The following MRPS14 variants were observed in gnomAD, a reference collection of about 807,000 sequenced individuals.
MRPS14 encodes small ribosomal subunit protein uS14m.
MRPS14 carries 14 observed loss-of-function variants against 16.4 expected under a neutral mutation model. The observed-to-expected ratio is 0.85, with a 90% CI of 0.56 to 1.33. MRPS14 has a LOEUF of 1.33. Ranked by LOEUF, MRPS14 falls within the 40% of genes most tolerant of loss-of-function variation. The probability of loss-of-function intolerance (pLI) is 0.00; values close to 1 mark genes in which losing one functional copy is unlikely to be tolerated. For synonymous variants in MRPS14, 54 were observed against 61.9 expected, an observed-to-expected ratio of 0.87 and a Z score of 0.60; for missense variants, 162 against 176.8, an observed-to-expected ratio of 0.92 and a Z score of 0.48.
intron 2 of MRPS14, among the ~76,000 whole-genome samples, chr1:175,015,438 AATG>A (rs1441746287): frequency 3.3e-5 from 5 of 152,288 alleles, no homozygotes; most frequent in African/African-American, 1.2e-4. Flanking sequence ...AAACCTCTGG[AATG>A]ATGATCAAAT....
chr1:175,016,578 T>C (rs768116307), intron 2 of MRPS14, among the ~76,000 whole-genome samples: 5 of 152,208 alleles, frequency 3.3e-5, no homozygotes, highest in Non-Finnish European at 7.3e-5. Flanking sequence ...TGCACAGTTA[T>C]TGCTGCTAGT....
In MRPS14 at chr1:175,014,738, A is replaced by C. The variant is rs756765596; in HGVS notation, c.318T>G (p.Leu106=). The C allele has an allele frequency of 2.3e-5, 37 of 1,613,964 alleles. No individual in the cohort carries two copies. The highest frequency in any genetic ancestry group is 3.1e-5 in the Non-Finnish European group (36 of 1,180,010). The change falls in exon 3 of 3, where the codon CTT becomes CTG. Residue 106 remains leucine, a synonymous_variant. Transcript: ENST00000476371. ...CTAAGTGACGGAAGACTATACGACTAAGCCTCCAGCGCCGCTTCACACCAC... is the reference window on the plus strand; with the variant it reads ...CTAAGTGACGGAAGACTATACGACTCAGCCTCCAGCGCCGCTTCACACCAC... ...RPRGVKRRWR[L]SRIVFRHLAD... is the part of the protein sequence containing the mutation.
chr1:175,018,352 T>A, intron 2 of MRPS14, 66 bp downstream of exon 2: 1 of 1,419,640 alleles, frequency 7.0e-7, no homozygotes, highest in Non-Finnish European at 9.5e-7. Context: ...ACAAACAGTA[T>A]CAAAAGTGAT....
intron 2 of MRPS14, among the ~76,000 whole-genome samples, chr1:175,018,043 T>C (rs1672915395): frequency 6.6e-6 from 1 of 151,946 alleles, no homozygotes; most frequent in South Asian, 2.1e-4. Flanking sequence ...AGAATTGCTT[T>C]AACCTGGGAG....
chr1:175,018,261 T>C (rs983311362), intron 2 of MRPS14, among the ~76,000 whole-genome samples, 157 bp downstream of exon 2: 1 of 152,184 alleles, frequency 6.6e-6, no homozygotes, highest in Admixed American at 6.5e-5. Flanking sequence ...AATTTGAAAC[T>C]CAACAAAATC....
intron 1 of MRPS14, among the ~76,000 whole-genome samples, chr1:175,019,607 T>C (rs866586530): frequency 3.8e-4 from 58 of 152,176 alleles, no homozygotes; most frequent in African/African-American, 1.4e-3. Flanking sequence ...GGATAGATTA[T>C]TGGGAGCAAA....
intron 2 of MRPS14, among the ~76,000 whole-genome samples, chr1:175,017,068 G>C (rs1429510368): frequency 2.1e-5 from 3 of 140,584 alleles, no homozygotes; most frequent in African/African-American, 7.8e-5. Context: ...TTTTTTTTTT[G>C]TTTTGAGACA....
chr1:175,015,409 T>G (rs1449561387), intron 2 of MRPS14, among the ~76,000 whole-genome samples: 1 of 152,242 alleles, frequency 6.6e-6, no homozygotes, highest in Non-Finnish European at 1.5e-5. Flanking sequence ...CGCCTCATGT[T>G]TTTTGAATCA....
At chr1:175,017,150 G>C (rs898529457) in intron 2 of MRPS14, among the ~76,000 whole-genome samples, 2 of 152,016 alleles carry the variant, frequency 1.3e-5, no homozygotes, top group African/African-American at 4.8e-5. Flanking sequence ...TGCCTCCCGA[G>C]TTCAAGCAAT....
intron 1 of MRPS14, among the ~76,000 whole-genome samples, chr1:175,020,306 T>C (rs746570317): frequency 1.3e-5 from 2 of 152,186 alleles, no homozygotes; most frequent in Admixed American, 6.5e-5. Flanking sequence ...ACCGTTCACA[T>C]TGAGGGGCAA....
At chr1:175,022,798 C>G (rs2105949) in intron 1 of MRPS14, among the ~76,000 whole-genome samples, 1 of 150,980 alleles carries the variant, frequency 6.6e-6, no homozygotes, top group Non-Finnish European at 1.5e-5. Flanking sequence ...CTATACTCCA[C>G]TTTATTTCCT....
At chr1:175,016,201 A>C (rs1415864662) in intron 2 of MRPS14, among the ~76,000 whole-genome samples, 1 of 152,064 alleles carries the variant, frequency 6.6e-6, no homozygotes, top group Non-Finnish European at 1.5e-5. Context: ...TCTCAAAAAA[A>C]AAAAAACAAA....
In MRPS14 at chr1:175,014,569, G is replaced by A; in HGVS notation, c.*100C>T. 1.6e-6 allele frequency: 2 copies of A among 1,222,998 alleles called. No homozygotes were observed. Among genetic ancestry groups the A allele is most frequent in the Non-Finnish European group, 2.3e-6 (2 of 887,152 alleles). The allele number at this position is 1,222,998 out of a possible 1,614,324, so 75.8% of individuals were successfully genotyped here. On this transcript the variant is annotated 3_prime_UTR_variant, in exon 3 of 3. Coordinates refer to ENST00000476371, the MANE Select transcript of MRPS14 (RefSeq NM_022100.3). ...CAGGTAGGCCAAACAACTGTACTGG[G>A]CCCCTGTAGAGATTAGGGTTTGGTC... is the stretch of plus-strand genomic sequence containing the variant.
At chr1:175,019,384 C>A (rs368924506) in intron 1 of MRPS14, among the ~76,000 whole-genome samples, 3 of 152,270 alleles carry the variant, frequency 2.0e-5, no homozygotes, top group African/African-American at 2.4e-5. Context: ...CGGGTTCAAG[C>A]AATTCTCATG....
chr1:175,018,668 A>G, intron 1 of MRPS14, 92 bp from the exon 2 acceptor site: 2 of 1,157,704 alleles, frequency 1.7e-6, no homozygotes, highest in Non-Finnish European at 2.4e-6. Flanking sequence ...GCCACTATTT[A>G]TCATTTAGTA....
In MRPS14 at chr1:175,014,622, A is replaced by ACTGCAAGCTTGGCTTCC. The variant is rs1672845389; in HGVS notation, c.*30_*46dup. ...TTAAAAAAAATCTTTGCTTGCTGGA[A>ACTGCAAGCTTGGCTTCC]CTGCAAGCTTGGCTTCCCTGCAAGC... On this transcript the variant is annotated 3_prime_UTR_variant, in exon 3 of 3. Transcript: ENST00000476371. 6.5e-7 allele frequency: 1 copy of ACTGCAAGCTTGGCTTCC among 1,550,192 alleles called. No homozygotes were observed. Among genetic ancestry groups the ACTGCAAGCTTGGCTTCC allele is most frequent in the African/African-American group, 1.4e-5 (1 of 72,198 alleles).
rs74128534 is a variant in MRPS14, at chr1:175,016,967, C to T, written c.204+1451G>A. Among the ~76,000 whole-genome samples, 839 of 152,146 alleles carry T rather than the reference C, an allele frequency of 5.5e-3. 11 individuals are homozygous for T. Among genetic ancestry groups the T allele is most frequent in the African/African-American group, 0.019 (803 of 41,530 alleles). On this transcript the variant is annotated intron_variant, in intron 2 of 2. Coordinates refer to ENST00000476371, the MANE Select transcript of MRPS14 (RefSeq NM_022100.3). ...TGATTTCCCCCTGCCCGCCATACCC[C>T]CTAGTCCTCCTAGCTCCAAGCAACC...
intron 2 of MRPS14, 85 bp from the exon 3 acceptor site, chr1:175,014,936 TTC>T (rs58881659): frequency 0.16 from 145,048 of 883,744 alleles, 10,053 homozygotes; most frequent in African/African-American, 0.47. Context: ...TAATTTTCTT[TTC>T]TTTTTTTTTT....
In MRPS14 at chr1:175,013,411, A is replaced by AGAACCATCTTTACCTCTTAGAT. The variant is rs1672818268; in HGVS notation, c.*1236_*1257dup. The stretch of plus-strand genomic sequence containing the variant: ...CTAGACACTTTTATCAGGAACCCAG[A>AGAACCATCTTTACCTCTTAGAT]GAACCATCTTTACCTCTTAGATATA... On this transcript the variant is annotated 3_prime_UTR_variant, in exon 3 of 3. Coordinates refer to ENST00000476371, the MANE Select transcript of MRPS14 (RefSeq NM_022100.3). 6.6e-6 allele frequency: 1 copy of AGAACCATCTTTACCTCTTAGAT among 152,234 alleles called. No homozygotes were observed. Among genetic ancestry groups the AGAACCATCTTTACCTCTTAGAT allele is most frequent in the Non-Finnish European group, 1.5e-5 (1 of 68,044 alleles). The allele number at this position is 152,234 out of a possible 1,614,324, so 9.4% of individuals were successfully genotyped here. A position where few individuals can be genotyped will look rare whatever the true frequency, so the allele number is the denominator to read the frequency against.
Sources: gnomAD v4.1 joint callset for allele counts (sites outside exome capture counted in the v4.1 genomes callset) on GRCh38, gnomAD v4.1.1 for gene constraint, MANE v1.5 for transcripts, NCBI Gene and HGNC (gene_info 2026-07-23, HGNC 2026-07-21) for gene names.